The following TMEM132C variants were observed in gnomAD, a reference collection of about 807,000 sequenced individuals.
The protein encoded by TMEM132C is transmembrane protein 132C, also known as protein phosphatase 1, regulatory subunit 152.
TMEM132C carries 29 observed loss-of-function variants against 61.4 expected under a neutral mutation model. The ratio of observed to expected loss-of-function variants is 0.47; its 90% CI spans 0.35 to 0.64. TMEM132C has a LOEUF of 0.64. TMEM132C is among the 30% of genes least tolerant of loss of function. The pLI is 0.00. For missense variants in TMEM132C, 1,408 were observed against 1,476.9 expected (o/e 0.95, Z 0.76); for synonymous variants, 656 against 633.1 (o/e 1.04, Z -0.54).
chr12:128,697,327 T>C lies in TMEM132C; in HGVS notation c.2033T>C (p.Leu678Pro). 1 of 1,551,422 alleles carries C rather than the reference T, an allele frequency of 6.4e-7. No individual in the cohort carries two copies. The highest frequency in any genetic ancestry group is 8.7e-7 in the Non-Finnish European group (1 of 1,146,754). The change falls in exon 8 of 9, where the codon CTG becomes CCG. Residue 678 changes from leucine (L) to proline (P), a missense_variant. By Grantham distance (98) the Leu-to-Pro change is moderately conservative. Coordinates refer to ENST00000435159, the MANE Select transcript of TMEM132C (RefSeq NM_001136103.3). ...TDLAIQLVAG[L>P]SVALYPNAEN... ...TTGGCCATCCAGCTCGTGGCTGGGCTGTCTGTCGCCCTTTACCCCAACGCA... is the reference window on the plus strand; with the variant it reads ...TTGGCCATCCAGCTCGTGGCTGGGCCGTCTGTCGCCCTTTACCCCAACGCA...
intron 4 of TMEM132C, among the ~76,000 whole-genome samples, chr12:128,623,297 A>G (rs77369763): frequency 0.012 from 1,775 of 152,246 alleles, 32 homozygotes; most frequent in African/African-American, 0.041. Context: ...TTCCAAGTTT[A>G]GGCTTTCATT....
At chr12:128,649,221 T>C (rs1566002744) in intron 4 of TMEM132C, among the ~76,000 whole-genome samples, 1 of 152,194 alleles carries the variant, frequency 6.6e-6, no homozygotes, top group African/African-American at 2.4e-5. Flanking sequence ...ATCACACTCA[T>C]GCAAAGTGCG....
chr12:128,598,997 G>C (rs1876071718), intron 3 of TMEM132C, among the ~76,000 whole-genome samples: 1 of 152,150 alleles, frequency 6.6e-6, no homozygotes, highest in South Asian at 2.1e-4. Flanking sequence ...TTGGCTACAT[G>C]TAGCCAGCAG....
chr12:128,605,793 C>T lies in TMEM132C; in HGVS notation c.1122-10359C>T, dbSNP rs114831171. 2.2e-3 allele frequency among the ~76,000 whole-genome samples: 335 copies of T among 152,304 alleles called. 1 individual carries two copies. Among genetic ancestry groups the T allele is most frequent in the African/African-American group, 7.5e-3 (312 of 41,576 alleles). On this transcript the variant is annotated intron_variant, in intron 3 of 8. Coordinates refer to ENST00000435159, the MANE Select transcript of TMEM132C (RefSeq NM_001136103.3). ...CCTGGGCAGCAAGGTTGGTTTCCCA[C>T]GCTGGAGAATTTATACTCATTGGAG... is the stretch of plus-strand genomic sequence containing the variant.
chr12:128,446,317 A>T (rs1869979109), intron 2 of TMEM132C, among the ~76,000 whole-genome samples: 1 of 152,210 alleles, frequency 6.6e-6, no homozygotes, highest in Non-Finnish European at 1.5e-5. Context: ...GCCATGAGGG[A>T]TGCAGACAGG....
chr12:128,484,927 CA>C (rs1871436333), intron 2 of TMEM132C, among the ~76,000 whole-genome samples: 1 of 152,052 alleles, frequency 6.6e-6, no homozygotes, highest in Non-Finnish European at 1.5e-5. Flanking sequence ...CTGTGAACTC[CA>C]GCCTGGGTGA....
At chr12:128,356,953 T>G (rs1451705363) in intron 1 of TMEM132C, among the ~76,000 whole-genome samples, 2 of 152,158 alleles carry the variant, frequency 1.3e-5, no homozygotes, top group Non-Finnish European at 2.9e-5. Context: ...CTCATTTATA[T>G]TTAAGGTCAT....
chr12:128,289,064 TC>T (rs1871167598), intron 1 of TMEM132C: 1 of 152,112 alleles, frequency 6.6e-6, no homozygotes, highest in Non-Finnish European at 1.5e-5. Flanking sequence ...ATTCACACAC[TC>T]ATGAACACAC....
At chr12:128,481,178 C>T (rs1871305195) in intron 2 of TMEM132C, among the ~76,000 whole-genome samples, 1 of 152,198 alleles carries the variant, frequency 6.6e-6, no homozygotes, top group South Asian at 2.1e-4. Flanking sequence ...TGTATTTCCA[C>T]CAGCCTAGTA....
At chr12:128,446,430 A>T (rs1286307874) in intron 2 of TMEM132C, among the ~76,000 whole-genome samples, 1 of 152,384 alleles carries the variant, frequency 6.6e-6, no homozygotes, top group South Asian at 2.1e-4. Flanking sequence ...TCCGTAAGAA[A>T]GTCTAACTCC....
intron 4 of TMEM132C, among the ~76,000 whole-genome samples, chr12:128,666,563 C>T (rs1954476619): frequency 1.3e-5 from 2 of 152,098 alleles, no homozygotes; most frequent in East Asian, 3.8e-4. Context: ...AATGAGGAAA[C>T]AAAGATTCCA....
At chr12:128,552,401 A>G (rs1874204732) in intron 3 of TMEM132C, among the ~76,000 whole-genome samples, 1 of 152,216 alleles carries the variant, frequency 6.6e-6, no homozygotes, top group Non-Finnish European at 1.5e-5. Context: ...ATTTCAGTAA[A>G]TCTTTCTAAC....
At chr12:128,308,094 T>C (rs926898241) in intron 1 of TMEM132C, among the ~76,000 whole-genome samples, 2 of 152,182 alleles carry the variant, frequency 1.3e-5, no homozygotes, top group African/African-American at 4.8e-5. Flanking sequence ...TGCTTCTCTT[T>C]ACACCTGGGT....
intron 4 of TMEM132C, among the ~76,000 whole-genome samples, chr12:128,646,285 AG>A (rs1954197423): frequency 6.6e-6 from 1 of 150,448 alleles, no homozygotes; most frequent in Non-Finnish European, 1.5e-5. Flanking sequence ...TTTCAATATG[AG>A]TGTGTTCACT....
chr12:128,297,287 G>T (rs1566046961), intron 1 of TMEM132C, among the ~76,000 whole-genome samples: 2 of 152,214 alleles, frequency 1.3e-5, no homozygotes, highest in Non-Finnish European at 2.9e-5. Flanking sequence ...TGCAGAAGTT[G>T]GGCTGGACGT....
At chr12:128,589,192 G>A (rs1286244862) in intron 3 of TMEM132C, among the ~76,000 whole-genome samples, 1 of 152,156 alleles carries the variant, frequency 6.6e-6, no homozygotes, top group Non-Finnish European at 1.5e-5. Flanking sequence ...CTCTCCCGAT[G>A]CAGGACACGA....
rs548888993 is a variant in TMEM132C, at chr12:128,271,456, A to C, written c.85+3969A>C. The stretch of plus-strand genomic sequence containing the variant: ...AAAGATTTTATTTCTAGTTTGCTAG[A>C]AGTTGCATATAGAATTTTATCAAAT... On this transcript the variant is annotated intron_variant, in intron 1 of 8. Transcript: ENST00000435159. Among the ~76,000 whole-genome samples, 29 of 152,266 alleles carry C rather than the reference A, an allele frequency of 1.9e-4. 1 individual carries two copies. The South Asian group carries it at 6.0e-3, about 32-fold the overall frequency.
intron 3 of TMEM132C, among the ~76,000 whole-genome samples, chr12:128,567,810 G>A (rs141756828): frequency 6.6e-6 from 1 of 152,292 alleles, no homozygotes; most frequent in African/African-American, 2.4e-5. Context: ...GAGTTCTGAC[G>A]ACCAGTCTGA....
chr12:128,456,182 C>T (rs1870333108), intron 2 of TMEM132C, among the ~76,000 whole-genome samples: 1 of 151,914 alleles, frequency 6.6e-6, no homozygotes, highest in Non-Finnish European at 1.5e-5. Context: ...AACCAACTCT[C>T]TTAGTTTCAG....
Sources: allele counts gnomAD v4.1 joint callset (sites outside exome capture counted in the v4.1 genomes callset), GRCh38; gene constraint gnomAD v4.1.1; transcripts MANE v1.5; gene names NCBI Gene and HGNC (gene_info 2026-07-23, HGNC 2026-07-21).